Variants in MOV10L1 observed in about 807,000 individuals in gnomAD.
MOV10L1 encodes Mov10 like RNA helicase 1, also known as RNA helicase Mov10l1.
Under a neutral mutation model 143.8 loss-of-function variants are expected in MOV10L1, and 110 were observed. The observed-to-expected ratio is 0.76, with a 90% CI of 0.66 to 0.90. The LOEUF is 0.90. Among genes scored for constraint, MOV10L1 ranks in the 40% least tolerant of loss-of-function variants. The probability of loss-of-function intolerance (pLI) is 0.00; values close to 1 mark genes in which losing one functional copy is unlikely to be tolerated. For synonymous variants in MOV10L1, 593 were observed against 581.1 expected (o/e 1.02, Z -0.29); for missense variants, 1,406 against 1,526.8 (o/e 0.92, Z 1.32).
intron 2 of MOV10L1, among the ~76,000 whole-genome samples, chr22:50,096,644 CTTTTTCTTTT>C (rs907828128): frequency 3.9e-5 from 6 of 152,116 alleles, no homozygotes; most frequent in African/African-American, 1.4e-4. Flanking sequence ...TTGCTATTTT[CTTTTTCTTTT>C]TTTTTCTTTT....
chr22:50,148,824 C>G (rs944009043), intron 19 of MOV10L1, among the ~76,000 whole-genome samples: 1 of 152,112 alleles, frequency 6.6e-6, no homozygotes, highest in African/African-American at 2.4e-5. Context: ...CCACCACACC[C>G]GGCTAATTTT....
chr22:50,150,907 A>G lies in MOV10L1; in HGVS notation c.2892+8A>G. The G allele has an allele frequency of 6.2e-7, 1 of 1,614,080 alleles. No homozygotes were observed. Among genetic ancestry groups the G allele is most frequent in the Non-Finnish European group, 8.5e-7 (1 of 1,179,996 alleles). On this transcript the variant is annotated splice_region_variant and intron_variant, in intron 21 of 26. Coordinates refer to ENST00000262794, the MANE Select transcript of MOV10L1 (RefSeq NM_018995.3). ...GCACATAATCCCCTGTTGGTGAGTC[A>G]CAGACTCCAGCGCGTTCAGGTCCCC...
intron 22 of MOV10L1, among the ~76,000 whole-genome samples, chr22:50,155,521 G>A (rs1236086330): frequency 6.6e-6 from 1 of 152,108 alleles, no homozygotes; most frequent in Non-Finnish European, 1.5e-5. Flanking sequence ...TGTCACCCTG[G>A]CTGGAGTGCA....
At position 50,158,369 on chromosome 22, in the gene MOV10L1, A is replaced by C; in HGVS notation, c.3216+163A>C. The C allele has an allele frequency of 1.2e-6, 1 of 823,370 alleles. No individual in the cohort carries two copies. The highest frequency in any genetic ancestry group is 1.8e-6 in the Non-Finnish European group (1 of 545,786). The allele number at this position is 823,370 out of a possible 1,614,324, so 51.0% of individuals were successfully genotyped here. A position where few individuals can be genotyped will look rare whatever the true frequency, so the allele number is the denominator to read the frequency against. ...GTCGTTCAACATGAGAGGTCACCCA[A>C]CTGCCATCCATGGGCCAGTTCCGGG... is the stretch of plus-strand genomic sequence containing the variant. On this transcript the variant is annotated intron_variant, in intron 23 of 26. Coordinates refer to ENST00000262794, the MANE Select transcript of MOV10L1 (RefSeq NM_018995.3). The surrounding 1 kb of genome is among the most constrained non-coding windows in gnomAD (Gnocchi z 5.0).
In MOV10L1 at chr22:50,108,676, G is replaced by T. The variant is rs1176252509; in HGVS notation, c.575G>T (p.Cys192Phe). The change falls in exon 5 of 27, where the codon TGT becomes TTT. Residue 192 changes from cysteine (C) to phenylalanine (F), a missense_variant. Cys to Phe is a radical substitution (Grantham distance 205, BLOSUM62 -2). Coordinates refer to ENST00000262794, the MANE Select transcript of MOV10L1 (RefSeq NM_018995.3). Reference protein sequence around the residue: ...RVDKVCISSLCGRNGVLEESI... With the variant: ...RVDKVCISSLFGRNGVLEESI... ...TCCCAGGTCTGCATCTCTAGCCTCT[G>T]TGGAAGGAACGGGGTGTTAGAGGAA... 1 of 1,614,196 alleles carries T rather than the reference G, an allele frequency of 6.2e-7. No individual in the cohort carries two copies. Among genetic ancestry groups the T allele is most frequent in the Non-Finnish European group, 8.5e-7 (1 of 1,180,030 alleles).
At chr22:50,148,663 C>CT (rs66866727) in intron 19 of MOV10L1, among the ~76,000 whole-genome samples, 2,064 of 139,984 alleles carry the variant, frequency 0.015, 47 homozygotes, top group African/African-American at 0.048. Flanking sequence ...TTCTTTTTTT[C>CT]TTTTTTTTTT....
chr22:50,138,136 CA>C, intron 15 of MOV10L1, among the ~76,000 whole-genome samples: 1 of 152,222 alleles, frequency 6.6e-6, no homozygotes, highest in South Asian at 2.1e-4. Flanking sequence ...CTTTTACCTA[CA>C]AAAACCTACT....
intron 5 of MOV10L1, among the ~76,000 whole-genome samples, chr22:50,110,159 A>C (rs1004825223): frequency 6.6e-6 from 1 of 150,914 alleles, no homozygotes; most frequent in East Asian, 2.0e-4. Flanking sequence ...AAAAAAAAGA[A>C]GACTGTCTTG....
chr22:50,145,585 A>C, intron 18 of MOV10L1, 104 bp from the exon 19 acceptor site: 1 of 1,444,776 alleles, frequency 6.9e-7, no homozygotes. Flanking sequence ...ACCTTAAATC[A>C]TGACTTAGAC....
At chr22:50,116,973 A>G (rs982297652) in intron 8 of MOV10L1, among the ~76,000 whole-genome samples, 184 bp from the exon 9 acceptor site, 7 of 152,110 alleles carry the variant, frequency 4.6e-5, no homozygotes, top group African/African-American at 1.2e-4. Context: ...GCTTAATTTT[A>G]TCTTGAGAAA....
chr22:50,120,636 C>T lies in MOV10L1; in HGVS notation c.1569+20C>T, dbSNP rs377077447. 201 of 1,532,158 alleles carry T rather than the reference C, an allele frequency of 1.3e-4. No homozygotes were observed. The highest frequency in any genetic ancestry group is 1.7e-4 in the Non-Finnish European group (186 of 1,109,612). The allele number at this position is 1,532,158 out of a possible 1,614,324, so 94.9% of individuals were successfully genotyped here. Reference sequence around the variant, plus strand: ...GCAGAGGTAGGAAGTGTCTCATGGCCTGTGGGGTGTTGGCATCTTCTAATG... The same window carrying T: ...GCAGAGGTAGGAAGTGTCTCATGGCTTGTGGGGTGTTGGCATCTTCTAATG... On this transcript the variant is annotated intron_variant, in intron 10 of 26. Coordinates refer to ENST00000262794, the MANE Select transcript of MOV10L1 (RefSeq NM_018995.3).
Position 50,090,117 on chromosome 22 carries a change from CCTT to C in MOV10L1, c.35_37del (p.Phe12del). 7.3e-7 allele frequency: 1 copy of C among 1,367,712 alleles called. No individual in the cohort carries two copies. Among genetic ancestry groups the C allele is most frequent in the African/African-American group, 1.5e-5 (1 of 65,184 alleles). 84.7% of individuals were successfully genotyped at this position (1,367,712 alleles called of 1,614,324 possible). On this transcript the variant is annotated inframe_deletion, in exon 1 of 27. Coordinates refer to ENST00000262794, the MANE Select transcript of MOV10L1 (RefSeq NM_018995.3). ...CTGAGCCTCGCAGCCAAGCTGGTGG[CCTT>C]CTTCTGGAGGACGGCGGACACCCCT...
intron 20 of MOV10L1, 81 bp downstream of exon 20, chr22:50,149,795 C>A: frequency 7.6e-7 from 1 of 1,313,314 alleles, no homozygotes; most frequent in Non-Finnish European, 1.1e-6. Flanking sequence ...CTGCCGGGAA[C>A]AGTCACAGCT....
intron 5 of MOV10L1, among the ~76,000 whole-genome samples, chr22:50,110,757 C>G (rs1002343044): frequency 3.9e-5 from 6 of 151,958 alleles, no homozygotes; most frequent in Non-Finnish European, 8.8e-5. Flanking sequence ...ACGGTGAAAC[C>G]CCATCTCTAC....
chr22:50,106,181 G>A (rs765829700), intron 3 of MOV10L1, among the ~76,000 whole-genome samples: 5 of 151,954 alleles, frequency 3.3e-5, no homozygotes, highest in South Asian at 2.1e-4. Flanking sequence ...TTTTAGAGAC[G>A]GGGTCTTGCT....
chr22:50,110,664 C>T (rs1207758540), intron 5 of MOV10L1, among the ~76,000 whole-genome samples: 1 of 152,180 alleles, frequency 6.6e-6, no homozygotes, highest in Non-Finnish European at 1.5e-5. Context: ...GCCACAGTGG[C>T]TCACGCCTGT....
rs2063218318 is a variant in MOV10L1, at chr22:50,148,719, A to G, written c.2628-896A>G. 2.7e-5 allele frequency among the ~76,000 whole-genome samples: 4 copies of G among 149,058 alleles called. No homozygotes were observed. In the South Asian group the frequency reaches 8.4e-4, roughly 31 times the overall value. ...TGCTCTGTCACCCAAGCTGGAGTGC[A>G]GTGGCGCGATCTCAGCTCACTGCAA... On this transcript the variant is annotated intron_variant, in intron 19 of 26. Coordinates refer to ENST00000262794, the MANE Select transcript of MOV10L1 (RefSeq NM_018995.3).
At chr22:50,119,102 G>C (rs1017337375) in intron 9 of MOV10L1, among the ~76,000 whole-genome samples, 4 of 152,178 alleles carry the variant, frequency 2.6e-5, no homozygotes, top group African/African-American at 9.7e-5. Context: ...CAGCTTTCTA[G>C]TTATCATTTG....
Position 50,128,288 on chromosome 22 carries a change from T to C in MOV10L1, c.1819-128T>C, listed in dbSNP as rs184914873. 200 of 616,688 alleles carry C rather than the reference T, an allele frequency of 3.2e-4. No homozygotes were observed. The African/African-American group carries it at 3.6e-3, about 11-fold the overall frequency. The allele number at this position is 616,688 out of a possible 1,614,324, so 38.2% of individuals were successfully genotyped here. On this transcript the variant is annotated intron_variant, in intron 12 of 26. Transcript: ENST00000262794. ...ATCGAATGGCGTAATGATTTAATCC[T>C]TTTCAACTAATTTTGCAGATATCAA...
Sources: gnomAD v4.1 joint callset for allele counts (sites outside exome capture counted in the v4.1 genomes callset) on GRCh38, gnomAD v4.1.1 for gene constraint, Gnocchi (gnomAD v3.1) non-coding constraint, MANE v1.5 for transcripts, NCBI Gene and HGNC (gene_info 2026-07-23, HGNC 2026-07-21) for gene names.